The following ATF6 variants were observed in gnomAD, a reference collection of about 807,000 sequenced individuals.
ATF6 encodes activating transcription factor 6.
Under a neutral mutation model 83.6 loss-of-function variants are expected in ATF6, and 53 were observed. The observed-to-expected ratio is 0.63, with a 90% CI of 0.51 to 0.80. The LOEUF (loss-of-function observed/expected upper bound fraction) is 0.80, where lower values mean the gene tolerates loss of function less well. Ranked by LOEUF, ATF6 falls within the 30% of genes least tolerant of loss-of-function variation. The pLI is 0.00. For missense variants in ATF6, 744 were observed against 797.9 expected (o/e 0.93, Z 0.81); for synonymous variants, 288 against 285.8 (o/e 1.01, Z -0.08).
At chr1:161,920,131 A>AT (rs1460620780) in intron 15 of ATF6, among the ~76,000 whole-genome samples, 6 of 151,614 alleles carry the variant, frequency 4.0e-5, no homozygotes, top group Admixed American at 1.3e-4. Flanking sequence ...CAGGTTGTCT[A>AT]TTTTTTTTAA....
chr1:161,948,894 T>C (rs2101916852), intron 15 of ATF6, among the ~76,000 whole-genome samples: 1 of 152,334 alleles, frequency 6.6e-6, no homozygotes, highest in South Asian at 2.1e-4. Context: ...CTGAACATTA[T>C]ATGATTAAAA....
At chr1:161,889,446 CAG>C (rs1483660446) in intron 14 of ATF6, among the ~76,000 whole-genome samples, 2 of 152,262 alleles carry the variant, frequency 1.3e-5, no homozygotes, top group African/African-American at 4.8e-5. Context: ...AGCACACTCT[CAG>C]AGTCAGCTTG....
chr1:161,792,834 G>A (rs10917946), intron 6 of ATF6, among the ~76,000 whole-genome samples: 18,072 of 152,014 alleles, frequency 0.12, 1,619 homozygotes, highest in East Asian at 0.31. Flanking sequence ...TGTGTGTTTC[G>A]TATTTTATCC....
chr1:161,883,125 A>G (rs950810727), intron 14 of ATF6, among the ~76,000 whole-genome samples: 3 of 152,004 alleles, frequency 2.0e-5, no homozygotes, highest in Non-Finnish European at 4.4e-5. Flanking sequence ...TTAAAACTGC[A>G]AGAGTATTAC....
intron 14 of ATF6, among the ~76,000 whole-genome samples, chr1:161,889,026 G>A (rs570880595): frequency 2.0e-5 from 3 of 151,902 alleles, no homozygotes; most frequent in Non-Finnish European, 2.9e-5. Flanking sequence ...TCTCTTTACC[G>A]CATCCTTTAT....
At chr1:161,771,477 A>C (rs1337863426) in intron 1 of ATF6, among the ~76,000 whole-genome samples, 1 of 152,156 alleles carries the variant, frequency 6.6e-6, no homozygotes, top group Non-Finnish European at 1.5e-5. Flanking sequence ...TGTTGGTGGG[A>C]TAGGTGTCTC....
intron 5 of ATF6, 34 bp downstream of exon 5, chr1:161,791,571 A>G (rs377557131): frequency 2.8e-5 from 44 of 1,561,242 alleles, no homozygotes; most frequent in Admixed American, 2.1e-5. Context: ...TGTTATTTCT[A>G]TTTCAGATTG....
intron 14 of ATF6, among the ~76,000 whole-genome samples, chr1:161,903,693 C>T (rs1687832652): frequency 6.6e-6 from 1 of 152,154 alleles, no homozygotes; most frequent in Non-Finnish European, 1.5e-5. Context: ...GGTGTTGTTA[C>T]TGTCCCTATT....
chr1:161,949,559 C>T (rs116569484), intron 15 of ATF6, among the ~76,000 whole-genome samples: 1,909 of 152,252 alleles, frequency 0.013, 46 homozygotes, highest in African/African-American at 0.043. Context: ...ATTTAGCTCA[C>T]GGTTCTGCAG....
At chr1:161,920,297 T>C (rs1327139038) in intron 15 of ATF6, among the ~76,000 whole-genome samples, 2 of 58,490 alleles carry the variant, frequency 3.4e-5, no homozygotes, top group East Asian at 2.0e-3. Context: ...TCTCTCTCTT[T>C]TTTTTTTTTT....
rs571420642 is a variant in ATF6, at chr1:161,929,785, A to G, written c.1804+17405A>G. ...CAATGTGTTCCTAAACCAGTTTACA[A>G]ACCCACAGTTAGTGAAAGGCTAGGT... On this transcript the variant is annotated intron_variant, in intron 15 of 15. Transcript: ENST00000367942. Among the ~76,000 whole-genome samples the G allele has an allele frequency of 4.1e-4, 63 of 152,356 alleles. 1 individual carries two copies. The highest frequency in any genetic ancestry group is 3.1e-3 in the South Asian group (15 of 4,830).
chr1:161,868,294 C>T (rs913548531), intron 14 of ATF6, among the ~76,000 whole-genome samples: 1 of 152,084 alleles, frequency 6.6e-6, no homozygotes, highest in African/African-American at 2.4e-5. Flanking sequence ...TCATTTGTGA[C>T]AAGAGAAAAA....
intron 2 of ATF6, 45 bp downstream of exon 2, chr1:161,778,365 C>A (rs1168307168): frequency 6.7e-7 from 1 of 1,485,328 alleles, no homozygotes; most frequent in Non-Finnish European, 9.4e-7. Context: ...TAGTCTTTAA[C>A]CCTAATTATT....
chr1:161,955,397 G>A (rs1688947025), intron 15 of ATF6, among the ~76,000 whole-genome samples: 1 of 152,202 alleles, frequency 6.6e-6, no homozygotes, highest in African/African-American at 2.4e-5. Context: ...GGTAGCAGGA[G>A]CTTCATCTGC....
chr1:161,927,463 C>T lies in ATF6; in HGVS notation c.1804+15083C>T, dbSNP rs535523570. Among the ~76,000 whole-genome samples the T allele has an allele frequency of 2.6e-5, 4 of 152,272 alleles. No individual in the cohort carries two copies. In the South Asian group the frequency reaches 8.3e-4, roughly 32 times the overall value. ...GGATTACAAGCGTGAGCCACCACAC[C>T]AGGCCAAGAACATTGTCTGAGGACT... On this transcript the variant is annotated intron_variant, in intron 15 of 15. Transcript: ENST00000367942.
intron 10 of ATF6, 64 bp downstream of exon 10, chr1:161,846,644 T>C: frequency 6.7e-7 from 1 of 1,491,712 alleles, no homozygotes. Context: ...AAGAGAATTA[T>C]CTGTAGTATA....
At chr1:161,873,356 TG>T (rs978250653) in intron 14 of ATF6, among the ~76,000 whole-genome samples, 8 of 151,582 alleles carry the variant, frequency 5.3e-5, no homozygotes, top group Non-Finnish European at 1.2e-4. Context: ...ACATAAAATT[TG>T]GTATAACCTT....
intron 1 of ATF6, among the ~76,000 whole-genome samples, chr1:161,775,354 C>T (rs541834701): frequency 4.1e-4 from 62 of 152,286 alleles, no homozygotes; most frequent in African/African-American, 1.3e-3. Context: ...CCTCTAACCA[C>T]GAGCCCTAGC....
chr1:161,853,966 C>G (rs1686701185), intron 12 of ATF6, among the ~76,000 whole-genome samples: 1 of 152,154 alleles, frequency 6.6e-6, no homozygotes, highest in Non-Finnish European at 1.5e-5. Context: ...AAAGTCCCTA[C>G]CTTAATGGAG....
Sources: allele counts gnomAD v4.1 joint callset (sites outside exome capture counted in the v4.1 genomes callset), GRCh38; gene constraint gnomAD v4.1.1; transcripts MANE v1.5; gene names NCBI Gene and HGNC (gene_info 2026-07-23, HGNC 2026-07-21).